The following ETV6 variants were observed in gnomAD, a reference collection of about 807,000 sequenced individuals.
ETV6 encodes the protein transcription factor ETV6.
ETV6 carries 16 observed loss-of-function variants against 51.1 expected under a neutral mutation model. That is an observed-to-expected ratio of 0.31 (90% CI 0.21 to 0.48). The LOEUF (loss-of-function observed/expected upper bound fraction) is 0.48, where lower values mean the gene tolerates loss of function less well. ETV6 is among the 20% of genes least tolerant of loss of function. The pLI, the probability that ETV6 is intolerant of heterozygous loss-of-function variation, is 0.99. For synonymous variants in ETV6, 240 were observed against 224.1 expected, an observed-to-expected ratio of 1.07 and a Z score of -0.64; for missense variants, 458 against 594.8, an observed-to-expected ratio of 0.77 and a Z score of 2.39.
At chr12:11,853,061 C>A (rs573585309) in intron 3 of ETV6, among the ~76,000 whole-genome samples, 1 of 152,256 alleles carries the variant, frequency 6.6e-6, no homozygotes, top group East Asian at 1.9e-4. Flanking sequence ...TTGGTTCGCA[C>A]CTGTAGTCCC....
chr12:11,761,350 C>T (rs1045318007), intron 2 of ETV6, among the ~76,000 whole-genome samples: 2 of 152,156 alleles, frequency 1.3e-5, no homozygotes, highest in Non-Finnish European at 2.9e-5. Flanking sequence ...CCTGTATGCA[C>T]ACTGTTATCT....
At chr12:11,662,824 G>T (rs1296473269) in intron 1 of ETV6, among the ~76,000 whole-genome samples, 1 of 152,194 alleles carries the variant, frequency 6.6e-6, no homozygotes, top group Non-Finnish European at 1.5e-5. Context: ...CCCCAAATTG[G>T]TGTCTGTGAT....
chr12:11,732,939 TG>T (rs745420896), intron 1 of ETV6, among the ~76,000 whole-genome samples: 2 of 152,196 alleles, frequency 1.3e-5, no homozygotes, highest in Non-Finnish European at 2.9e-5. Flanking sequence ...GGGGTGAAAG[TG>T]TAGAAAGATT....
intron 1 of ETV6, among the ~76,000 whole-genome samples, chr12:11,707,285 G>A (rs962199273): frequency 2.0e-5 from 3 of 152,166 alleles, no homozygotes; most frequent in Non-Finnish European, 4.4e-5. Flanking sequence ...CCTGAGCAGC[G>A]GGCTCATTTC....
chr12:11,799,396 A>G (rs1011941439), intron 2 of ETV6, among the ~76,000 whole-genome samples: 2 of 152,168 alleles, frequency 1.3e-5, no homozygotes, highest in African/African-American at 2.4e-5. Flanking sequence ...TGAAGTGTCC[A>G]TGCCCTCTGT....
chr12:11,815,621 T>C (rs1393803606), intron 2 of ETV6, among the ~76,000 whole-genome samples: 2 of 101,974 alleles, frequency 2.0e-5, no homozygotes, highest in Non-Finnish European at 4.8e-5. Flanking sequence ...ACCTGGTGAC[T>C]GTGAAGGCCA....
rs569101860 is a variant in ETV6 at position 11,750,785 on chromosome 12, G to C, written c.34-1665G>C. 5.5e-5 allele frequency: 24 copies of C among 437,940 alleles called. No homozygotes were observed. The East Asian group carries it at 1.2e-3, about 22-fold the overall frequency. The allele number at this position is 437,940 out of a possible 1,614,324, so 27.1% of individuals were successfully genotyped here. ...TGAACAGATTTTATGTTTCCTATAT[G>C]TGTGGGCTTTTTTTTTTTTTTTTTT... On this transcript the variant is annotated intron_variant, in intron 1 of 7. Transcript: ENST00000396373.
chr12:11,669,996 A>T (rs796526341), intron 1 of ETV6, among the ~76,000 whole-genome samples: 1 of 150,524 alleles, frequency 6.6e-6, no homozygotes, highest in African/African-American at 2.5e-5. Flanking sequence ...CGATGATTCT[A>T]CCCCAATCAC....
chr12:11,883,726 A>C (rs1241225452), intron 5 of ETV6, among the ~76,000 whole-genome samples: 1 of 152,236 alleles, frequency 6.6e-6, no homozygotes, highest in Non-Finnish European at 1.5e-5. Flanking sequence ...TCAGTTCTGC[A>C]AGTGGAGAAA....
At chr12:11,880,330 C>T (rs1426744849) in intron 5 of ETV6, among the ~76,000 whole-genome samples, 1 of 152,186 alleles carries the variant, frequency 6.6e-6, no homozygotes, top group Non-Finnish European at 1.5e-5. Flanking sequence ...GTTGTTTTCA[C>T]ATTTATGAAA....
intron 5 of ETV6, among the ~76,000 whole-genome samples, chr12:11,872,279 G>A (rs577432803): frequency 3.9e-5 from 6 of 152,148 alleles, no homozygotes; most frequent in Non-Finnish European, 7.3e-5. Context: ...CTTGCTGCCC[G>A]TGGCTGCTGT....
At chr12:11,788,358 C>T (rs1000972222) in intron 2 of ETV6, among the ~76,000 whole-genome samples, 3 of 152,060 alleles carry the variant, frequency 2.0e-5, no homozygotes, top group Non-Finnish European at 4.4e-5. Flanking sequence ...TAACCAAACG[C>T]AGCAATTCTG....
chr12:11,694,614 T>G (rs1342483318), intron 1 of ETV6, among the ~76,000 whole-genome samples: 1 of 152,174 alleles, frequency 6.6e-6, no homozygotes, highest in East Asian at 1.9e-4. Context: ...AAATATCTCC[T>G]CCCTATTAAA....
Position 11,893,794 on chromosome 12 carries a change from T to TTATATATA in ETV6, c.*2789_*2796dup, listed in dbSNP as rs57308697. The TTATATATA allele has an allele frequency of 5.1e-3, 404 of 79,166 alleles. 5 individuals are homozygous for TTATATATA. Among genetic ancestry groups the TTATATATA allele is most frequent in the African/African-American group, 6.5e-3 (111 of 17,054 alleles). The allele number at this position is 79,166 out of a possible 1,614,324, so 4.9% of individuals were successfully genotyped here. A position where few individuals can be genotyped will look rare whatever the true frequency, so the allele number is the denominator to read the frequency against. On this transcript the variant is annotated 3_prime_UTR_variant, in exon 8 of 8. Transcript: ENST00000396373. ...GTGTCCATCCCCAAGATCTCTCATT[T>TTATATATA]TATATATATATATATATATATATAT...
In ETV6 at chr12:11,869,844, A is replaced by G. The variant is rs1436571850; in HGVS notation, c.884A>G (p.Asp295Gly). Residue 295 changes from aspartate (D) to glycine (G), a missense_variant, in exon 5 of 8, where the codon GAC becomes GGC. Coordinates refer to ENST00000396373, the MANE Select transcript of ETV6 (RefSeq NM_001987.5). The surrounding 1 kb of genome is among the most constrained non-coding windows in gnomAD (Gnocchi z 5.0). ...VDFKQSRLSE[D>G]GLHREGKPIN... ...TTCAAACAGTCCAGGCTCTCCGAGG[A>G]CGGGCTGCATAGGGAAGGGAAGCCC... is the stretch of plus-strand genomic sequence containing the variant. 1 of 1,613,402 alleles carries G rather than the reference A, an allele frequency of 6.2e-7. No individual in the cohort carries two copies. Among genetic ancestry groups the G allele is most frequent in the East Asian group, 2.2e-5 (1 of 44,882 alleles).
chr12:11,789,824 G>A (rs1464326367), intron 2 of ETV6, among the ~76,000 whole-genome samples: 2 of 151,924 alleles, frequency 1.3e-5, no homozygotes, highest in Non-Finnish European at 1.5e-5. Flanking sequence ...ATAAACCTTT[G>A]TTTGTTGACT....
intron 2 of ETV6, among the ~76,000 whole-genome samples, chr12:11,791,293 C>G (rs1232225490): frequency 2.0e-5 from 3 of 152,040 alleles, no homozygotes; most frequent in Non-Finnish European, 1.5e-5. Flanking sequence ...AATCTCTTCA[C>G]TGTTACTTTA....
At chr12:11,726,281 G>T (rs1865487024) in intron 1 of ETV6, among the ~76,000 whole-genome samples, 1 of 152,190 alleles carries the variant, frequency 6.6e-6, no homozygotes, top group African/African-American at 2.4e-5. Flanking sequence ...GACCAGCTGT[G>T]TTCAGAACCC....
intron 2 of ETV6, among the ~76,000 whole-genome samples, chr12:11,801,602 G>A (rs1289948034): frequency 6.6e-6 from 1 of 152,024 alleles, no homozygotes; most frequent in Non-Finnish European, 1.5e-5. Flanking sequence ...TTAAGCTAGT[G>A]GTATCTTGTA....
Sources: allele counts gnomAD v4.1 joint callset (sites outside exome capture counted in the v4.1 genomes callset), GRCh38; gene constraint gnomAD v4.1.1; non-coding constraint Gnocchi (gnomAD v3.1); transcripts MANE v1.5; gene names NCBI Gene and HGNC (gene_info 2026-07-23, HGNC 2026-07-21).